The following ADRA1B variants were observed in gnomAD, a reference collection of about 807,000 sequenced individuals.
The protein encoded by ADRA1B is adrenoceptor alpha 1B.
ADRA1B carries 17 observed loss-of-function variants against 17.9 expected under a neutral mutation model. The ratio of observed to expected loss-of-function variants is 0.95; its 90% confidence interval spans 0.65 to 1.42. The LOEUF (loss-of-function observed/expected upper bound fraction) is 1.42. Ranked by LOEUF, ADRA1B falls within the 40% of genes most tolerant of loss-of-function variation. ADRA1B has a pLI of 0.00. For missense variants in ADRA1B, 681 were observed against 722.1 expected (o/e 0.94, Z 0.65); for synonymous variants, 366 against 327.6 (o/e 1.12, Z -1.27).
At chr5:159,893,264 T>TCA (rs895582783) in intron 1 of ADRA1B, among the ~76,000 whole-genome samples, 1 of 152,288 alleles carries the variant, frequency 6.6e-6, no homozygotes, top group African/African-American at 2.4e-5. Flanking sequence ...CTGGTAACTC[T>TCA]CACTCCTTTG....
At chr5:159,921,473 G>A (rs1321147261) in intron 1 of ADRA1B, among the ~76,000 whole-genome samples, 1 of 152,230 alleles carries the variant, frequency 6.6e-6, no homozygotes, top group Non-Finnish European at 1.5e-5. Context: ...CCTTGTCAGG[G>A]TCTCAAGAAG....
chr5:159,917,916 C>G, intron 1 of ADRA1B, 62 bp downstream of exon 1: 13 of 1,403,536 alleles, frequency 9.3e-6, no homozygotes, highest in Non-Finnish European at 1.1e-5. Context: ...TACTGATGAG[C>G]TTACTCTAAA....
intron 1 of ADRA1B, among the ~76,000 whole-genome samples, chr5:159,871,841 G>T (rs552509209): frequency 1.3e-5 from 2 of 152,298 alleles, no homozygotes; most frequent in Middle Eastern, 3.4e-3. Flanking sequence ...TGACTTTGAG[G>T]TTATAGTTCT....
At chr5:159,957,205 T>C (rs1755571484) in intron 1 of ADRA1B, among the ~76,000 whole-genome samples, 1 of 152,112 alleles carries the variant, frequency 6.6e-6, no homozygotes, top group Non-Finnish European at 1.5e-5. Context: ...CATTATTTAT[T>C]TTGTAAAGAA....
chr5:159,986,098 G>T, the ADRA1B span, among the ~76,000 whole-genome samples: 5 of 152,156 alleles, frequency 3.3e-5, no homozygotes, highest in African/African-American at 1.2e-4. Flanking sequence ...CACAGGTGAG[G>T]ACTAATAGAC....
At chr5:159,919,116 A>C (rs1346458407) in intron 1 of ADRA1B, among the ~76,000 whole-genome samples, 1 of 152,228 alleles carries the variant, frequency 6.6e-6, no homozygotes, top group Non-Finnish European at 1.5e-5. Flanking sequence ...AAAAAGAAAG[A>C]AAAAGATTTT....
At chr5:159,872,415 A>G (rs1173862468) in intron 1 of ADRA1B, among the ~76,000 whole-genome samples, 2 of 152,190 alleles carry the variant, frequency 1.3e-5, no homozygotes, top group Non-Finnish European at 2.9e-5. Context: ...CAGAGATAAG[A>G]TCCCTGTGAT....
chr5:159,949,211 T>C (rs530834730), intron 1 of ADRA1B, among the ~76,000 whole-genome samples: 1 of 152,340 alleles, frequency 6.6e-6, no homozygotes, highest in East Asian at 1.9e-4. Flanking sequence ...TGAATGCCCA[T>C]TCATTCACAT....
intron 1 of ADRA1B, among the ~76,000 whole-genome samples, chr5:159,874,624 G>A (rs1753783267): frequency 6.6e-6 from 1 of 152,176 alleles, no homozygotes; most frequent in African/African-American, 2.4e-5. Context: ...TTGCAACAAA[G>A]GAGCTCTGAA....
chr5:159,972,095 G>C lies in ADRA1B; in HGVS notation c.1166G>C (p.Arg389Pro). 7.7e-7 allele frequency: 1 copy of C among 1,291,702 alleles called. No homozygotes were observed. Among genetic ancestry groups the C allele is most frequent in the Non-Finnish European group, 9.9e-7 (1 of 1,014,620 alleles). 80.0% of individuals were successfully genotyped at this position (1,291,702 alleles called of 1,614,324 possible). A position where few individuals can be genotyped will look rare whatever the true frequency, so the allele number is the denominator to read the frequency against. Residue 389 changes from arginine to proline, a missense_variant, in exon 2 of 2, where the codon CGG (arginine) becomes CCG (proline). Physicochemically the swap from Arg to Pro is moderately radical, Grantham distance 103. Around this residue, in one of 3 missense-constraint regions of ADRA1B, gnomAD observed 251 missense variants for 224.9 expected, o/e 1.12. Coordinates refer to ENST00000306675, the MANE Select transcript of ADRA1B (RefSeq NM_000679.4). ...CTGGGCGGCTGCGCCTACACCTACC[G>C]GCCGTGGACGCGCGGCGGCTCGCTG... is the stretch of plus-strand genomic sequence containing the variant. Reference protein sequence around the residue: ...RRLGGCAYTYRPWTRGGSLER... With the variant: ...RRLGGCAYTYPPWTRGGSLER...
chr5:159,957,929 CAAAAAAAAAAAAAA>C (rs35956137), intron 1 of ADRA1B, among the ~76,000 whole-genome samples: 2 of 66,862 alleles, frequency 3.0e-5, no homozygotes, highest in Middle Eastern at 9.1e-3. Flanking sequence ...AACCCCATCT[CAAAAAAAAAAAAAA>C]AAAAAAAAAG....
In ADRA1B at chr5:159,949,524, A is replaced by G. The variant is rs558601359; in HGVS notation, c.950-22355A>G. ...TCTGGGCTTGCCAGAGGATTGATGC[A>G]TCAACAACATGAAAACTAAAACTAA... On this transcript the variant is annotated intron_variant, in intron 1 of 1. Transcript: ENST00000306675. 5.9e-5 allele frequency among the ~76,000 whole-genome samples: 9 copies of G among 152,368 alleles called. No individual in the cohort carries two copies. The South Asian group carries it at 1.2e-3, about 21-fold the overall frequency.
the ADRA1B span, among the ~76,000 whole-genome samples, chr5:159,987,924 GC>G: frequency 1.3e-5 from 2 of 152,008 alleles, no homozygotes; most frequent in East Asian, 1.9e-4. Context: ...GCTGAAGAAT[GC>G]CCCCCCTCGG....
intron 1 of ADRA1B, among the ~76,000 whole-genome samples, chr5:159,929,419 C>G (rs1754740651): frequency 6.6e-6 from 1 of 151,124 alleles, no homozygotes; most frequent in Non-Finnish European, 1.5e-5. Context: ...AACTTTCAGC[C>G]AAAGTTTAGT....
intron 1 of ADRA1B, among the ~76,000 whole-genome samples, chr5:159,910,973 G>A (rs923142171): frequency 6.6e-6 from 1 of 152,114 alleles, no homozygotes. Context: ...GTGTGGTTGG[G>A]AAATAGATCC....
rs188294825 is a variant in ADRA1B at position 159,946,043 on chromosome 5, A to G, written c.950-25836A>G. On this transcript the variant is annotated intron_variant, in intron 1 of 1. Coordinates refer to ENST00000306675, the MANE Select transcript of ADRA1B (RefSeq NM_000679.4). ...ATTACAGGCGTGAGCCACCGCGCCC[A>G]GCCCGATTTCTGTTTTTAAAGACTT... Among the ~76,000 whole-genome samples the G allele has an allele frequency of 1.4e-3, 214 of 152,302 alleles. 1 individual carries two copies. The highest frequency in any genetic ancestry group is 4.8e-3 in the South Asian group (23 of 4,834).
intron 1 of ADRA1B, among the ~76,000 whole-genome samples, chr5:159,963,215 C>A (rs1464250973): frequency 6.7e-6 from 1 of 150,194 alleles, no homozygotes; most frequent in East Asian, 2.0e-4. Context: ...AGTTGACATT[C>A]CAGTACACAC....
chr5:159,890,317 C>A (rs530763619), intron 1 of ADRA1B, among the ~76,000 whole-genome samples: 2 of 152,308 alleles, frequency 1.3e-5, no homozygotes, highest in Admixed American at 1.3e-4. Flanking sequence ...CAAGAATTTT[C>A]CCAGGTGTAG....
At chr5:159,953,587 C>G (rs1755492375) in intron 1 of ADRA1B, among the ~76,000 whole-genome samples, 1 of 152,180 alleles carries the variant, frequency 6.6e-6, no homozygotes, top group African/African-American at 2.4e-5. Context: ...CAAATTGAAG[C>G]CTGTCTCTAC....
Sources: gnomAD v4.1 joint callset for allele counts (sites outside exome capture counted in the v4.1 genomes callset) on GRCh38, gnomAD v4.1.1 for gene constraint, gnomAD v4.1.1 regional missense constraint, MANE v1.5 for transcripts, NCBI Gene and HGNC (gene_info 2026-07-23, HGNC 2026-07-21) for gene names.